The following GPR137B variants were observed in gnomAD, a reference collection of about 807,000 sequenced individuals.
The protein encoded by GPR137B is G protein-coupled receptor 137B, also known as integral membrane protein GPR137B.
A neutral mutation model predicts 42.5 loss-of-function variants in GPR137B; 42 were observed. The observed-to-expected ratio is 0.99, with a 90% confidence interval of 0.77 to 1.28. GPR137B has a LOEUF of 1.28. GPR137B is among the 50% of genes most tolerant of loss of function. GPR137B has a pLI of 0.00. For missense variants in GPR137B, 487 were observed against 493.9 expected (o/e 0.99, Z 0.13); for synonymous variants, 218 against 209.7 (o/e 1.04, Z -0.34).
In GPR137B at chr1:236,151,417, C is replaced by CCTTTTTTTTTTTT. The variant is rs1405128961; in HGVS notation, c.414+8381_414+8382insCTTTTTTTTTTTT. 2.4e-5 allele frequency among the ~76,000 whole-genome samples: 3 copies of CCTTTTTTTTTTTT among 126,570 alleles called. 1 individual carries two copies. The highest frequency in any genetic ancestry group is 6.1e-5 in the African/African-American group (2 of 32,916). 83.0% of individuals were successfully genotyped at this position (126,570 alleles called of 152,430 possible). On this transcript the variant is annotated intron_variant, in intron 1 of 6. Coordinates refer to ENST00000366592, the MANE Select transcript of GPR137B (RefSeq NM_003272.4). Reference sequence around the variant, plus strand: ...CCACATATGGTCTCTGTTGCATATTCATTTTTTTTTTTTTTTTTTTTTTTT... The same window carrying CCTTTTTTTTTTTT: ...CCACATATGGTCTCTGTTGCATATTCCTTTTTTTTTTTTATTTTTTTTTTTTTTTTTTTTTTTT...
At chr1:236,147,063 C>T (rs1054506349) in intron 1 of GPR137B, among the ~76,000 whole-genome samples, 4 of 152,250 alleles carry the variant, frequency 2.6e-5, no homozygotes, top group Non-Finnish European at 2.9e-5. Flanking sequence ...CCTACCTCGG[C>T]TTCCCAAAGT....
intron 5 of GPR137B, among the ~76,000 whole-genome samples, chr1:236,194,791 T>A (rs1403359026): frequency 6.6e-6 from 1 of 152,164 alleles, no homozygotes; most frequent in East Asian, 1.9e-4. Context: ...GGAAATTTTT[T>A]GAGAGGTAAA....
chr1:236,202,929 A>AATT (rs1663538086), intron 5 of GPR137B, among the ~76,000 whole-genome samples: 1 of 152,070 alleles, frequency 6.6e-6, no homozygotes, highest in African/African-American at 2.4e-5. Context: ...CTGCATATGG[A>AATT]TATCTAGTTT....
chr1:236,143,678 T>C (rs1661601701), intron 1 of GPR137B, among the ~76,000 whole-genome samples: 1 of 152,178 alleles, frequency 6.6e-6, no homozygotes, highest in Non-Finnish European at 1.5e-5. Flanking sequence ...TCTGAGCTCA[T>C]CTGAGAGGCC....
chr1:236,154,170 C>T (rs963733078), intron 1 of GPR137B, among the ~76,000 whole-genome samples: 3 of 152,198 alleles, frequency 2.0e-5, no homozygotes, highest in African/African-American at 4.8e-5. Context: ...CCCCCAGACT[C>T]CGTGTCCTCC....
intron 1 of GPR137B, among the ~76,000 whole-genome samples, chr1:236,153,059 G>GA (rs758448701): frequency 0.027 from 3,556 of 132,112 alleles, 123 homozygotes; most frequent in East Asian, 0.17. Context: ...CCATCTCGGG[G>GA]AAAAAAAAAA....
intron 5 of GPR137B, among the ~76,000 whole-genome samples, chr1:236,199,193 A>G (rs946523845): frequency 6.6e-6 from 1 of 152,194 alleles, no homozygotes; most frequent in Admixed American, 6.5e-5. Context: ...TATGTGATAT[A>G]GCCCATTTAT....
chr1:236,186,116 T>A (rs1179945746), intron 5 of GPR137B, among the ~76,000 whole-genome samples: 1 of 147,170 alleles, frequency 6.8e-6, no homozygotes, highest in African/African-American at 2.5e-5. Flanking sequence ...TAATTCTTTT[T>A]TATTGCCAAA....
chr1:236,176,269 T>C (rs1054623851), intron 2 of GPR137B, among the ~76,000 whole-genome samples: 2 of 152,128 alleles, frequency 1.3e-5, no homozygotes, highest in Non-Finnish European at 2.9e-5. Context: ...GAGTGTATCA[T>C]GACACATGAG....
intron 1 of GPR137B, among the ~76,000 whole-genome samples, chr1:236,164,938 C>G (rs1464467066): frequency 6.6e-6 from 1 of 151,578 alleles, no homozygotes; most frequent in Non-Finnish European, 1.5e-5. Context: ...GAGTTTTGCT[C>G]TTGTTGCCCA....
chr1:236,156,494 C>T lies in GPR137B; in HGVS notation c.415-12212C>T, dbSNP rs922494739. On this transcript the variant is annotated intron_variant, in intron 1 of 6. Transcript: ENST00000366592. The surrounding 1 kb of genome is among the most constrained non-coding windows in gnomAD (Gnocchi z 4.8). ...GTTATCCAGGTCCTGAGTCCCTGGACCTATAGCCCACAGCTGACGTTTGGA... is the reference window on the plus strand; with the variant it reads ...GTTATCCAGGTCCTGAGTCCCTGGATCTATAGCCCACAGCTGACGTTTGGA... Among the ~76,000 whole-genome samples, 1 of 152,180 alleles carries T rather than the reference C, an allele frequency of 6.6e-6. No individual in the cohort carries two copies. Among genetic ancestry groups the T allele is most frequent in the Admixed American group, 6.5e-5 (1 of 15,282 alleles).
intron 1 of GPR137B, among the ~76,000 whole-genome samples, chr1:236,151,124 G>A (rs1661846988): frequency 6.6e-6 from 1 of 152,226 alleles, no homozygotes; most frequent in Admixed American, 6.5e-5. Context: ...GCTGGTTCCT[G>A]GTTGGAAGGT....
rs1274508380 is a variant in GPR137B at position 236,150,059 on chromosome 1, G to A, written c.414+7023G>A. Among the ~76,000 whole-genome samples the A allele has an allele frequency of 1.3e-5, 2 of 148,900 alleles. No individual in the cohort carries two copies. Among genetic ancestry groups the A allele is most frequent in the East Asian group, 2.0e-4 (1 of 5,060 alleles). ...TGTGTGTGCCTGCCTCTGTGTGCCT[G>A]TGTCTGTGTGGGTCTCTGAGTGTCT... On this transcript the variant is annotated intron_variant, in intron 1 of 6. Transcript: ENST00000366592. This position sits in a 1 kb window ranked among gnomAD's most constrained non-coding sequence, Gnocchi z 6.2.
intron 5 of GPR137B, among the ~76,000 whole-genome samples, chr1:236,204,783 T>A (rs1240069227): frequency 1.3e-5 from 2 of 152,204 alleles, no homozygotes; most frequent in East Asian, 3.9e-4. Context: ...CGGTTTAGTC[T>A]TAGTAGGCTG....
intron 1 of GPR137B, among the ~76,000 whole-genome samples, chr1:236,146,404 A>AG (rs1661683815): frequency 6.6e-6 from 1 of 152,148 alleles, no homozygotes; most frequent in Non-Finnish European, 1.5e-5. Flanking sequence ...GTGGGAAGGA[A>AG]GTCGTGGGGG....
intron 5 of GPR137B, among the ~76,000 whole-genome samples, chr1:236,196,627 A>C (rs1202828667): frequency 1.3e-5 from 2 of 152,060 alleles, no homozygotes; most frequent in African/African-American, 4.8e-5. Flanking sequence ...CCCTTCCCCC[A>C]GGTCCCCAAT....
At chr1:236,200,462 A>T (rs775970000) in intron 5 of GPR137B, among the ~76,000 whole-genome samples, 83 of 151,938 alleles carry the variant, frequency 5.5e-4, no homozygotes, top group Non-Finnish European at 1.1e-3. Flanking sequence ...GAAGTACCCC[A>T]CTATGGTGTT....
chr1:236,179,021 T>C (rs1227058759), intron 3 of GPR137B, among the ~76,000 whole-genome samples: 1 of 151,574 alleles, frequency 6.6e-6, no homozygotes, highest in Non-Finnish European at 1.5e-5. Context: ...ATGGTCTCAA[T>C]CTCCTGACCT....
chr1:236,208,156 T>G lies in GPR137B; in HGVS notation c.1198T>G (p.Ter400GluextTer19). Residue 400 changes from the stop codon to glutamate, a stop_lost, in exon 7 of 7, where the codon TAG becomes GAG. Transcript: ENST00000366592. ...TLDPDKPSLG[*>E] ...GGATCCTGACAAACCAAGCCTTGGGTAGCATCAGTTAACAGTTTTATGGAC... is the reference window on the plus strand; with the variant it reads ...GGATCCTGACAAACCAAGCCTTGGGGAGCATCAGTTAACAGTTTTATGGAC... The G allele has an allele frequency of 1.2e-6, 2 of 1,613,652 alleles. No homozygotes were observed. Among genetic ancestry groups the G allele is most frequent in the East Asian group, 2.2e-5 (1 of 44,852 alleles).
Sources: allele counts gnomAD v4.1 joint callset (sites outside exome capture counted in the v4.1 genomes callset), GRCh38; gene constraint gnomAD v4.1.1; non-coding constraint Gnocchi (gnomAD v3.1); transcripts MANE v1.5; gene names NCBI Gene and HGNC (gene_info 2026-07-23, HGNC 2026-07-21).